The following INPP5A variants were observed in gnomAD, a reference collection of about 807,000 sequenced individuals.
The protein encoded by INPP5A is inositol polyphosphate-5-phosphatase A.
Under a neutral mutation model 65.2 loss-of-function variants are expected in INPP5A, and 14 were observed. The observed-to-expected ratio is 0.21, with a 90% CI of 0.14 to 0.34. The LOEUF is 0.34. INPP5A is among the 10% of genes least tolerant of loss of function. The pLI, the probability that INPP5A is intolerant of heterozygous loss-of-function variation, is 1.00. For missense variants in INPP5A, 431 were observed against 545.6 expected (o/e 0.79, Z 2.09); for synonymous variants, 207 against 208.3 (o/e 0.99, Z 0.05).
chr10:132,644,570 G>T lies in INPP5A; in HGVS notation c.118-1298G>T, dbSNP rs1407285973. Among the ~76,000 whole-genome samples, 1 of 152,238 alleles carries T rather than the reference G, an allele frequency of 6.6e-6. No homozygotes were observed. Among genetic ancestry groups the T allele is most frequent in the East Asian group, 1.9e-4 (1 of 5,202 alleles). Reference sequence around the variant, plus strand: ...CAGCTCCACCTGGCTCACAGTGAGTGCCGTGTCGTCGTGAGCACCTCCAGG... The same window carrying T: ...CAGCTCCACCTGGCTCACAGTGAGTTCCGTGTCGTCGTGAGCACCTCCAGG... On this transcript the variant is annotated intron_variant, in intron 2 of 15. Transcript: ENST00000368594. This position sits in a 1 kb window ranked among gnomAD's most constrained non-coding sequence, Gnocchi z 6.5.
chr10:132,733,960 C>T (rs754685813), intron 9 of INPP5A, among the ~76,000 whole-genome samples: 61 of 152,230 alleles, frequency 4.0e-4, no homozygotes, highest in Non-Finnish European at 1.5e-4. Flanking sequence ...CCCGGACCTG[C>T]GAGTCTCCTG....
intron 2 of INPP5A, among the ~76,000 whole-genome samples, chr10:132,628,420 C>G (rs2072217400): frequency 7.2e-6 from 1 of 139,476 alleles, no homozygotes; most frequent in African/African-American, 2.6e-5. Context: ...AGCCCTGTGC[C>G]CTATGGTGGC....
intron 1 of INPP5A, among the ~76,000 whole-genome samples, chr10:132,568,890 T>A (rs1293291429): frequency 6.7e-6 from 1 of 149,862 alleles, no homozygotes. Flanking sequence ...GCAACATAGA[T>A]CACAATATGT....
intron 6 of INPP5A, 151 bp from the exon 7 acceptor site, chr10:132,708,162 C>A (rs138322259): frequency 1.5e-6 from 1 of 672,650 alleles, no homozygotes; most frequent in Admixed American, 2.4e-5. Context: ...GTGCACAGCT[C>A]GGTTCTCTTT....
At position 132,546,075 on chromosome 10, in the gene INPP5A, C is replaced by T. The variant is rs1248943073; in HGVS notation, c.75+7904C>T. Among the ~76,000 whole-genome samples the T allele has an allele frequency of 6.6e-6, 1 of 152,210 alleles. No homozygotes were observed. The highest frequency in any genetic ancestry group is 2.4e-5 in the African/African-American group (1 of 41,448). Reference sequence around the variant, plus strand: ...GTGTTGGGATGAGTGGCCGAGGCGTCTGGGGACGTCCTGGAGCCTGCAGCC... The same window carrying T: ...GTGTTGGGATGAGTGGCCGAGGCGTTTGGGGACGTCCTGGAGCCTGCAGCC... On this transcript the variant is annotated intron_variant, in intron 1 of 15. Transcript: ENST00000368594. This position sits in a 1 kb window ranked among gnomAD's most constrained non-coding sequence, Gnocchi z 5.7.
At chr10:132,605,664 C>T (rs765978701) in intron 1 of INPP5A, among the ~76,000 whole-genome samples, 31 of 152,090 alleles carry the variant, frequency 2.0e-4, no homozygotes, top group South Asian at 4.1e-4. Context: ...CAGCGCCACG[C>T]GGGCCAGAAA....
In INPP5A at chr10:132,727,952, C is replaced by A. The variant is rs185768321; in HGVS notation, c.732+1047C>A. On this transcript the variant is annotated intron_variant, in intron 9 of 15. Transcript: ENST00000368594. This position sits in a 1 kb window ranked among gnomAD's most constrained non-coding sequence, Gnocchi z 6.5. ...TAGTCTCCAGTTCCAAACACCCACACGTATTCATCTTCCAACGGTGGCAGG... is the reference window on the plus strand; with the variant it reads ...TAGTCTCCAGTTCCAAACACCCACAAGTATTCATCTTCCAACGGTGGCAGG... Among the ~76,000 whole-genome samples the A allele has an allele frequency of 2.6e-5, 4 of 152,182 alleles. No homozygotes were observed. Among genetic ancestry groups the A allele is most frequent in the Admixed American group, 2.6e-4 (4 of 15,284 alleles).
rs535474894 is a variant in INPP5A at position 132,586,212 on chromosome 10, G to A, written c.76-21703G>A. Among the ~76,000 whole-genome samples the A allele has an allele frequency of 3.4e-3, 520 of 152,344 alleles. 3 individuals are homozygous for A. The highest frequency in any genetic ancestry group is 0.012 in the African/African-American group (498 of 41,562). ...GGCCATCAGAGGTGGCTCTCTGTCA[G>A]GAGAAGCAGACTTCGGGCCTTCTCC... is the stretch of plus-strand genomic sequence containing the variant. On this transcript the variant is annotated intron_variant, in intron 1 of 15. Transcript: ENST00000368594.
intron 1 of INPP5A, among the ~76,000 whole-genome samples, chr10:132,590,792 G>C (rs1277780455): frequency 6.6e-6 from 1 of 152,222 alleles, no homozygotes; most frequent in Non-Finnish European, 1.5e-5. Flanking sequence ...CCATCTGAAA[G>C]AGTCTAGCCC....
At chr10:132,731,937 G>C (rs528943142) in intron 9 of INPP5A, among the ~76,000 whole-genome samples, 105 of 152,266 alleles carry the variant, frequency 6.9e-4, no homozygotes, top group African/African-American at 2.4e-3. Flanking sequence ...GCCACCCAGG[G>C]GAGCCCCTGT....
chr10:132,540,992 C>T (rs939609432), intron 1 of INPP5A, among the ~76,000 whole-genome samples: 5 of 152,058 alleles, frequency 3.3e-5, no homozygotes, highest in Non-Finnish European at 1.5e-5. Flanking sequence ...CTCCTCCTCC[C>T]CCTCTTGTTT....
At chr10:132,652,130 C>T (rs2072586311) in intron 4 of INPP5A, among the ~76,000 whole-genome samples, 5 of 152,188 alleles carry the variant, frequency 3.3e-5, no homozygotes, top group African/African-American at 4.8e-5. Context: ...TTCCTTGACC[C>T]TCTCACTCTC....
chr10:132,741,180 C>T lies in INPP5A; in HGVS notation c.733-8337C>T, dbSNP rs1441328890. Among the ~76,000 whole-genome samples, 2 of 152,202 alleles carry T rather than the reference C, an allele frequency of 1.3e-5. No individual in the cohort carries two copies. Among genetic ancestry groups the T allele is most frequent in the African/African-American group, 2.4e-5 (1 of 41,438 alleles). ...CCCGGAGGTCGAGGCTGCAGTGAGC[C>T]AGCCATGATCACATCACTGCACTCC... On this transcript the variant is annotated intron_variant, in intron 9 of 15. Coordinates refer to ENST00000368594, the MANE Select transcript of INPP5A (RefSeq NM_005539.5). The surrounding 1 kb of genome is among the most constrained non-coding windows in gnomAD (Gnocchi z 4.4).
At chr10:132,580,022 C>T (rs1022430910) in intron 1 of INPP5A, among the ~76,000 whole-genome samples, 2 of 151,764 alleles carry the variant, frequency 1.3e-5, no homozygotes, top group Non-Finnish European at 2.9e-5. Flanking sequence ...CACCTTCCTC[C>T]CACTGCTGGC....
chr10:132,615,299 G>A (rs1012439880), intron 2 of INPP5A, among the ~76,000 whole-genome samples: 7 of 152,226 alleles, frequency 4.6e-5, no homozygotes, highest in East Asian at 1.9e-4. Flanking sequence ...CAAGTGTGGC[G>A]TCCGGAACCA....
At chr10:132,718,828 G>C (rs917711702) in intron 8 of INPP5A, among the ~76,000 whole-genome samples, 1 of 148,766 alleles carries the variant, frequency 6.7e-6, no homozygotes, top group Non-Finnish European at 1.5e-5. Context: ...CGGGTTCTGT[G>C]GTACCTGGGT....
intron 2 of INPP5A, among the ~76,000 whole-genome samples, chr10:132,614,991 C>T (rs186694719): frequency 1.8e-4 from 27 of 152,324 alleles, no homozygotes; most frequent in African/African-American, 6.3e-4. Context: ...GTTTTGTTGC[C>T]GCAGCCTGAG....
At position 132,727,869 on chromosome 10, in the gene INPP5A, G is replaced by A. The variant is rs1208966457; in HGVS notation, c.732+964G>A. ...GGATGGGGACACAGTGAGTTGGATGGGAACACGGTGAGTCGAACGGGGACA... is the reference window on the plus strand; with the variant it reads ...GGATGGGGACACAGTGAGTTGGATGAGAACACGGTGAGTCGAACGGGGACA... On this transcript the variant is annotated intron_variant, in intron 9 of 15. Transcript: ENST00000368594. This position sits in a 1 kb window ranked among gnomAD's most constrained non-coding sequence, Gnocchi z 6.5. 6.6e-6 allele frequency among the ~76,000 whole-genome samples: 1 copy of A among 152,178 alleles called. No homozygotes were observed. The highest frequency in any genetic ancestry group is 1.5e-5 in the Non-Finnish European group (1 of 68,038).
intron 2 of INPP5A, among the ~76,000 whole-genome samples, chr10:132,611,767 G>A (rs11812896): frequency 0.11 from 14,971 of 130,212 alleles, 1,426 homozygotes; most frequent in Admixed American, 0.2. Flanking sequence ...CCTGTCAGAG[G>A]AGGGTGAGGG....
Sources: gnomAD v4.1 joint callset for allele counts (sites outside exome capture counted in the v4.1 genomes callset) on GRCh38, gnomAD v4.1.1 for gene constraint, Gnocchi (gnomAD v3.1) non-coding constraint, MANE v1.5 for transcripts, NCBI Gene and HGNC (gene_info 2026-07-23, HGNC 2026-07-21) for gene names.